Variants in FANCD2 observed in about 807,000 individuals in gnomAD.
FANCD2 encodes FA complementation group D2, also known as Fanconi anemia group D2 protein.
A neutral mutation model predicts 192.3 loss-of-function variants in FANCD2; 131 were observed. That is an observed-to-expected ratio of 0.68 (90% confidence interval 0.59 to 0.79). FANCD2 has a LOEUF of 0.79. Among genes scored for constraint, FANCD2 ranks in the 30% least tolerant of loss-of-function variants. The pLI is 0.00. For missense variants in FANCD2, 1,508 were observed against 1,701.6 expected (o/e 0.89, Z 2.00); for synonymous variants, 524 against 612.5 (o/e 0.86, Z 2.13).
chr3:10,080,131 T>C (rs9833504), intron 30 of FANCD2, among the ~76,000 whole-genome samples: 5,835 of 152,262 alleles, frequency 0.038, 384 homozygotes, highest in African/African-American at 0.13. Flanking sequence ...GCCAGGATTG[T>C]CTTGATCTCT....
intron 19 of FANCD2, among the ~76,000 whole-genome samples, chr3:10,061,346 G>T (rs1022831419): frequency 6.6e-6 from 1 of 152,016 alleles, no homozygotes; most frequent in East Asian, 1.9e-4. Context: ...CACCCCAACC[G>T]CCACCGGCTC....
chr3:10,062,187 C>G lies in FANCD2; in HGVS notation c.1803C>G (p.Asn601Lys), dbSNP rs2125029679. The change falls in exon 20 of 44, where the codon AAC becomes AAG. Residue 601 changes from asparagine to lysine, a missense_variant. This residue lies in a region of FANCD2 where 110 missense variants were observed against 114.4 expected (regional missense o/e 0.96). Coordinates refer to ENST00000675286, the MANE Select transcript of FANCD2 (RefSeq NM_001018115.3). ...ESPSLTQERANLSDEQCTQVT... is the reference protein window; with the variant it reads ...ESPSLTQERAKLSDEQCTQVT... ...CTAGTTTGACCCAAGAGAGAGCCAA[C>G]CTGAGCGATGAGCAGTGCACACAGG... 1.2e-6 allele frequency: 2 copies of G among 1,613,030 alleles called. No homozygotes were observed. Among genetic ancestry groups the G allele is most frequent in the African/African-American group, 1.3e-5 (1 of 74,906 alleles).
chr3:10,032,302 TG>T, intron 2 of FANCD2: 1 of 417,380 alleles, frequency 2.4e-6, no homozygotes, highest in South Asian at 1.8e-5. Context: ...TTTTTAGAGA[TG>T]GGGATTTCAC....
intron 18 of FANCD2, among the ~76,000 whole-genome samples, chr3:10,056,817 A>G (rs1228915859): frequency 1.3e-5 from 2 of 152,040 alleles, no homozygotes; most frequent in African/African-American, 4.8e-5. Context: ...CCATTTCTAT[A>G]TTTTTGTAGA....
intron 10 of FANCD2, 52 bp downstream of exon 10, chr3:10,041,762 A>G (rs1384613881): frequency 8.0e-7 from 1 of 1,244,650 alleles, no homozygotes; most frequent in South Asian, 1.2e-5. Flanking sequence ...AACCTCCCAG[A>G]ACAAGTGTCA....
chr3:10,093,315 T>C lies in FANCD2; in HGVS notation c.3880T>C (p.Cys1294Arg), dbSNP rs1211649533. The C allele has an allele frequency of 1.2e-6, 2 of 1,612,526 alleles. No homozygotes were observed. Among genetic ancestry groups the C allele is most frequent in the Non-Finnish European group, 8.5e-7 (1 of 1,178,534 alleles). Reference sequence around the variant, plus strand: ...TGATAGTCATCCTGTTCTGCATGTATGTTTGAAGGTGAGAGATTTACTGGG... The same window carrying C: ...TGATAGTCATCCTGTTCTGCATGTACGTTTGAAGGTGAGAGATTTACTGGG... The part of the protein sequence containing the change: ...VFDSHPVLHV[C>R]LKYGRLFVEA... The change falls in exon 39 of 44, where the codon TGT (cysteine) becomes CGT (arginine). Residue 1294 changes from cysteine (C) to arginine (R), a missense_variant. This residue lies in a region of FANCD2 where 796 missense variants were observed against 879.4 expected (regional missense o/e 0.91). Coordinates refer to ENST00000675286, the MANE Select transcript of FANCD2 (RefSeq NM_001018115.3).
Position 10,063,887 on chromosome 3 carries a change from T to G in FANCD2, c.1923T>G (p.His641Gln). The change falls in exon 21 of 44, where the codon CAT becomes CAG. Residue 641 changes from histidine (H) to glutamine (Q), a missense_variant. His to Gln is a conservative substitution (Grantham distance 24, BLOSUM62 0). Transcript: ENST00000675286. ...YYDEFANLIQ[H>Q]EKLDPKALEW... ...ATGAATTTGCCAACCTGATCCAACA[T>G]GAAAAGCTGGATCCAAAAGCCCTGG... The G allele has an allele frequency of 1.2e-6, 2 of 1,614,266 alleles. No individual in the cohort carries two copies. Among genetic ancestry groups the G allele is most frequent in the Non-Finnish European group, 1.7e-6 (2 of 1,180,046 alleles).
intron 30 of FANCD2, among the ~76,000 whole-genome samples, chr3:10,080,047 TG>T (rs1693748459): frequency 6.6e-6 from 1 of 151,652 alleles, no homozygotes; most frequent in African/African-American, 2.4e-5. Context: ...CCCGAGGAGC[TG>T]GGACTACAGG....
At chr3:10,030,363 C>G (rs957972725) in intron 2 of FANCD2, among the ~76,000 whole-genome samples, 12 of 152,066 alleles carry the variant, frequency 7.9e-5, no homozygotes, top group African/African-American at 2.7e-4. Flanking sequence ...TCCCAAAGTG[C>G]TGGGATATCG....
intron 1 of FANCD2, among the ~76,000 whole-genome samples, chr3:10,027,594 C>T (rs2086483486): frequency 6.6e-6 from 1 of 152,114 alleles, no homozygotes; most frequent in African/African-American, 2.4e-5. Flanking sequence ...TTTCAGCCCT[C>T]AAGTCCCTGC....
intron 14 of FANCD2, among the ~76,000 whole-genome samples, chr3:10,045,027 TTAAGA>T (rs964293836): frequency 6.6e-6 from 1 of 151,962 alleles, no homozygotes; most frequent in East Asian, 1.9e-4. Flanking sequence ...GAGCATTCAG[TTAAGA>T]TAAGTAGTAA....
At chr3:10,050,616 C>T in intron 17 of FANCD2, among the ~76,000 whole-genome samples, 1 of 111,274 alleles carries the variant, frequency 9.0e-6, no homozygotes, top group Admixed American at 1.1e-4. Context: ...GAGCAAGACT[C>T]TGTCTCAAAA....
At position 10,042,528 on chromosome 3, in the gene FANCD2, C is replaced by T. The variant is rs759752175; in HGVS notation, c.784-31C>T. The T allele has an allele frequency of 2.3e-5, 35 of 1,526,966 alleles. No homozygotes were observed. The South Asian group carries it at 3.8e-4, about 17-fold the overall frequency. 94.6% of individuals were successfully genotyped at this position (1,526,966 alleles called of 1,614,324 possible). A position where few individuals can be genotyped will look rare whatever the true frequency, so the allele number is the denominator to read the frequency against. On this transcript the variant is annotated intron_variant, in intron 10 of 43. Transcript: ENST00000675286. Reference sequence around the variant, plus strand: ...CAAAGTTGAGGTAGTGACATGAAAACCTATTAAGTTTCTGTGCTTTTAATT... The same window carrying T: ...CAAAGTTGAGGTAGTGACATGAAAATCTATTAAGTTTCTGTGCTTTTAATT...
intron 30 of FANCD2, among the ~76,000 whole-genome samples, chr3:10,079,713 G>A (rs1259358168): frequency 3.9e-5 from 6 of 152,124 alleles, no homozygotes; most frequent in Non-Finnish European, 7.4e-5. Flanking sequence ...AACCAAGCCT[G>A]GGCCCATGCC....
intron 26 of FANCD2, among the ~76,000 whole-genome samples, chr3:10,069,213 G>C (rs571564737): frequency 2.0e-5 from 3 of 152,218 alleles, no homozygotes; most frequent in Non-Finnish European, 2.9e-5. Flanking sequence ...CCAAAGTGAA[G>C]AGACAGCCCA....
Position 10,028,774 on chromosome 3 carries a change from G to A in FANCD2, c.64+53G>A, listed in dbSNP as rs148612270. 272 of 1,444,324 alleles carry A rather than the reference G, an allele frequency of 1.9e-4. 1 individual carries two copies. Among genetic ancestry groups the A allele is most frequent in the Admixed American group, 1.1e-3 (65 of 59,782 alleles). The allele number at this position is 1,444,324 out of a possible 1,614,324, so 89.5% of individuals were successfully genotyped here. ...TTTCCTGTAGCAATGTGTGAGGCAT[G>A]TGAGAGATATAAAGTTCCTGCTTTT... On this transcript the variant is annotated intron_variant, in intron 2 of 43. Coordinates refer to ENST00000675286, the MANE Select transcript of FANCD2 (RefSeq NM_001018115.3).
At chr3:10,095,331 C>A in intron 41 of FANCD2, 57 bp downstream of exon 41, 1 of 1,361,456 alleles carries the variant, frequency 7.3e-7, no homozygotes, top group Non-Finnish European at 1.0e-6. Context: ...TCTGCAGTTG[C>A]TATTGGGGGA....
chr3:10,096,493 G>T, intron 42 of FANCD2, 21 bp downstream of exon 42: 4 of 1,612,602 alleles, frequency 2.5e-6, no homozygotes, highest in Non-Finnish European at 3.4e-6. Context: ...GATCCTGCTA[G>T]TGATAATCCC....
intron 32 of FANCD2, among the ~76,000 whole-genome samples, chr3:10,084,208 G>A (rs533521006): frequency 6.7e-6 from 1 of 150,348 alleles, no homozygotes; most frequent in African/African-American, 2.5e-5. Flanking sequence ...TGGCCAGGCT[G>A]GTCTTGAACT....
Sources: gnomAD v4.1 joint callset for allele counts (sites outside exome capture counted in the v4.1 genomes callset) on GRCh38, gnomAD v4.1.1 for gene constraint, gnomAD v4.1.1 regional missense constraint, MANE v1.5 for transcripts, NCBI Gene and HGNC (gene_info 2026-07-23, HGNC 2026-07-21) for gene names.